ZNF804B: variants seen among roughly 807,000 people sequenced by gnomAD.
The protein encoded by ZNF804B is zinc finger 804B.
A neutral mutation model predicts 101.4 loss-of-function variants in ZNF804B; 80 were observed. The observed-to-expected ratio is 0.79, with a 90% CI of 0.66 to 0.95. ZNF804B has a LOEUF of 0.95. Ranked by LOEUF, ZNF804B falls within the 40% of genes least tolerant of loss-of-function variation. The pLI is 0.00. For missense variants in ZNF804B, 1,673 were observed against 1,561.9 expected, an observed-to-expected ratio of 1.07 and a Z score of -1.20; for synonymous variants, 622 against 558.8, an observed-to-expected ratio of 1.11 and a Z score of -1.59.
At chr7:89,107,170 T>C (rs1197592123) in intron 1 of ZNF804B, among the ~76,000 whole-genome samples, 1 of 152,150 alleles carries the variant, frequency 6.6e-6, no homozygotes, top group Admixed American at 6.6e-5. Flanking sequence ...ATTTATAATG[T>C]ATTCATAAAG....
intron 1 of ZNF804B, among the ~76,000 whole-genome samples, chr7:89,003,900 A>G (rs779967960): frequency 3.2e-4 from 49 of 151,958 alleles, no homozygotes; most frequent in Non-Finnish European, 8.8e-5. Context: ...GGTAAAATCT[A>G]GCCTGTTTGT....
intron 1 of ZNF804B, among the ~76,000 whole-genome samples, chr7:88,854,410 T>TTCCTTC (rs1562812535): frequency 1.5e-5 from 2 of 132,646 alleles, no homozygotes; most frequent in African/African-American, 6.1e-5. Flanking sequence ...TTTCTTTCTT[T>TTCCTTC]CTTCCTTTCT....
intron 2 of ZNF804B, among the ~76,000 whole-genome samples, chr7:89,290,119 G>GA (rs150245918): frequency 0.07 from 10,655 of 152,190 alleles, 479 homozygotes; most frequent in African/African-American, 0.14. Context: ...AGGCCAGAAG[G>GA]AAATCTGCTG....
intron 1 of ZNF804B, among the ~76,000 whole-genome samples, chr7:89,181,112 A>AT (rs1788289107): frequency 6.6e-6 from 1 of 151,726 alleles, no homozygotes; most frequent in East Asian, 2.0e-4. Context: ...CCTCAAGTGG[A>AT]AGGAAAGAGT....
intron 1 of ZNF804B, among the ~76,000 whole-genome samples, chr7:88,953,505 C>T (rs1316676622): frequency 3.3e-5 from 5 of 151,706 alleles, no homozygotes; most frequent in South Asian, 2.1e-4. Context: ...TTTTCTGTCA[C>T]GTTCCCCCAA....
intron 2 of ZNF804B, among the ~76,000 whole-genome samples, chr7:89,286,274 T>C (rs1790194494): frequency 6.6e-6 from 1 of 152,038 alleles, no homozygotes; most frequent in Non-Finnish European, 1.5e-5. Flanking sequence ...AGTGCAATTC[T>C]GTCTCAAAAG....
intron 1 of ZNF804B, among the ~76,000 whole-genome samples, chr7:89,172,984 A>T (rs17400236): frequency 0.41 from 61,922 of 151,922 alleles, 13,194 homozygotes; most frequent in Non-Finnish European, 0.47. Flanking sequence ...AGTGGTACCA[A>T]AGAAAACCAG....
intron 1 of ZNF804B, among the ~76,000 whole-genome samples, chr7:89,039,048 A>G (rs908886291): frequency 1.3e-5 from 2 of 152,006 alleles, no homozygotes; most frequent in African/African-American, 4.8e-5. Flanking sequence ...TATTGCCAAT[A>G]TCACGACATT....
At chr7:89,228,762 G>A (rs545858995) in intron 2 of ZNF804B, among the ~76,000 whole-genome samples, 22 of 152,298 alleles carry the variant, frequency 1.4e-4, no homozygotes, top group African/African-American at 5.0e-4. Flanking sequence ...TGCACCATGC[G>A]CCCACACTCC....
chr7:88,766,442 G>A (rs1490839115), intron 1 of ZNF804B, among the ~76,000 whole-genome samples: 1 of 152,106 alleles, frequency 6.6e-6, no homozygotes, highest in African/African-American at 2.4e-5. Context: ...GTTCAAATTT[G>A]ATATCTAAAT....
intron 1 of ZNF804B, among the ~76,000 whole-genome samples, chr7:88,992,169 T>TTCAGTCTC (rs768863849): frequency 2.0e-5 from 3 of 152,184 alleles, no homozygotes; most frequent in East Asian, 3.9e-4. Context: ...TTAGAAAATC[T>TTCAGTCTC]TCAGTCTCTC....
chr7:88,899,971 A>T (rs1792363842), intron 1 of ZNF804B, among the ~76,000 whole-genome samples: 1 of 152,200 alleles, frequency 6.6e-6, no homozygotes, highest in African/African-American at 2.4e-5. Context: ...GTTTTACTTG[A>T]CAAAAGGTAT....
chr7:88,772,442 T>C (rs1790083724), intron 1 of ZNF804B, among the ~76,000 whole-genome samples: 1 of 152,130 alleles, frequency 6.6e-6, no homozygotes, highest in South Asian at 2.1e-4. Context: ...CCACAGGGAA[T>C]AGAGAAGGTG....
intron 1 of ZNF804B, among the ~76,000 whole-genome samples, chr7:89,217,457 G>A (rs979054308): frequency 3.9e-5 from 6 of 152,154 alleles, no homozygotes; most frequent in African/African-American, 1.2e-4. Flanking sequence ...GAGGAATGAT[G>A]AGATAATTCA....
At chr7:89,135,447 TA>T (rs1325806273) in intron 1 of ZNF804B, among the ~76,000 whole-genome samples, 1 of 152,112 alleles carries the variant, frequency 6.6e-6, no homozygotes, top group Non-Finnish European at 1.5e-5. Context: ...CTTCTGTTTG[TA>T]TCAAGATTTC....
At chr7:88,881,932 C>T (rs527389922) in intron 1 of ZNF804B, among the ~76,000 whole-genome samples, 1 of 152,136 alleles carries the variant, frequency 6.6e-6, no homozygotes, top group Non-Finnish European at 1.5e-5. Context: ...AATCATCTTT[C>T]AGTGCAGAGT....
At chr7:88,994,178 T>C (rs1395931311) in intron 1 of ZNF804B, among the ~76,000 whole-genome samples, 1 of 152,040 alleles carries the variant, frequency 6.6e-6, no homozygotes, top group Non-Finnish European at 1.5e-5. Context: ...TTTCATCATA[T>C]GCTAACTCTT....
At chr7:89,011,334 T>C (rs922522846) in intron 1 of ZNF804B, among the ~76,000 whole-genome samples, 1 of 152,116 alleles carries the variant, frequency 6.6e-6, no homozygotes, top group African/African-American at 2.4e-5. Flanking sequence ...CCAAACCATA[T>C]CATTCTGCCC....
intron 1 of ZNF804B, among the ~76,000 whole-genome samples, chr7:88,808,884 A>G (rs1304662090): frequency 6.6e-6 from 1 of 152,188 alleles, no homozygotes. Context: ...CATAGGGCTC[A>G]AGGTGACCCT....
Sources: gnomAD v4.1 joint callset for allele counts (sites outside exome capture counted in the v4.1 genomes callset) on GRCh38, gnomAD v4.1.1 for gene constraint, MANE v1.5 for transcripts, NCBI Gene and HGNC (gene_info 2026-07-23, HGNC 2026-07-21) for gene names.